The following HIRA variants were observed in gnomAD, a reference collection of about 807,000 sequenced individuals.
The protein encoded by HIRA is histone cell cycle regulator.
In HIRA, 13 loss-of-function variants were observed where a neutral mutation model predicts 126.6. The observed-to-expected ratio is 0.10, with a 90% CI of 0.07 to 0.16. The LOEUF is 0.16. Ranked by LOEUF, HIRA falls within the 10% of genes least tolerant of loss-of-function variation. HIRA has a pLI of 1.00. For missense variants in HIRA, 834 were observed against 1,314.4 expected (o/e 0.63, Z 5.65); for synonymous variants, 511 against 520.0 (o/e 0.98, Z 0.24).
chr22:19,396,470 C>T (rs1242902844), intron 7 of HIRA, among the ~76,000 whole-genome samples: 1 of 152,170 alleles, frequency 6.6e-6, no homozygotes, highest in Non-Finnish European at 1.5e-5. Flanking sequence ...GAGCTGAGAT[C>T]GTGCCACTGC....
intron 2 of HIRA, among the ~76,000 whole-genome samples, chr22:19,409,903 C>T (rs1012095320): frequency 9.9e-5 from 15 of 152,120 alleles, no homozygotes; most frequent in African/African-American, 3.1e-4. Context: ...CTTCCCTGCC[C>T]ACAGCTTCCC....
chr22:19,331,154 C>G lies in HIRA; in HGVS notation c.*286G>C. Reference sequence around the variant, plus strand: ...TTGGGGCCGTGCTGGAGACGGCAGGCCTGGGACTGCCTTGCTGGCCCCAGG... The same window carrying G: ...TTGGGGCCGTGCTGGAGACGGCAGGGCTGGGACTGCCTTGCTGGCCCCAGG... On this transcript the variant is annotated 3_prime_UTR_variant, in exon 25 of 25. Coordinates refer to ENST00000263208, the MANE Select transcript of HIRA (RefSeq NM_003325.4). 1 of 1,355,188 alleles carries G rather than the reference C, an allele frequency of 7.4e-7. No homozygotes were observed. Among genetic ancestry groups the G allele is most frequent in the East Asian group, 4.0e-5 (1 of 25,244 alleles). 83.9% of individuals were successfully genotyped at this position (1,355,188 alleles called of 1,614,324 possible).
chr22:19,369,109 C>G (rs552176689), intron 15 of HIRA, among the ~76,000 whole-genome samples: 1 of 152,108 alleles, frequency 6.6e-6, no homozygotes, highest in African/African-American at 2.4e-5. Context: ...GGCTGCCCCC[C>G]TTACAAATGG....
At chr22:19,430,894 T>C (rs1198304460) in intron 1 of HIRA, among the ~76,000 whole-genome samples, 1 of 152,178 alleles carries the variant, frequency 6.6e-6, no homozygotes, top group Admixed American at 6.5e-5. Context: ...ATGTCCCAGC[T>C]CAGCATTAAT....
intron 15 of HIRA, among the ~76,000 whole-genome samples, chr22:19,374,035 TA>T (rs1225285216): frequency 6.6e-6 from 1 of 151,780 alleles, no homozygotes; most frequent in Non-Finnish European, 1.5e-5. Context: ...CATTTCAAAG[TA>T]TTTAGAAGCA....
intron 7 of HIRA, among the ~76,000 whole-genome samples, chr22:19,395,672 C>T (rs889668795): frequency 2.0e-5 from 3 of 152,206 alleles, no homozygotes; most frequent in Non-Finnish European, 4.4e-5. Context: ...GTCCCTCGCT[C>T]TGTGAAGTCT....
chr22:19,430,228 AACAC>A (rs2089520757), intron 1 of HIRA: 2 of 152,218 alleles, frequency 1.3e-5, no homozygotes, highest in Non-Finnish European at 1.5e-5. Flanking sequence ...TGCCAGGCAA[AACAC>A]ACAGACAGTG....
chr22:19,351,983 C>T lies in HIRA; in HGVS notation c.2849-537G>A, dbSNP rs980615871. On this transcript the variant is annotated intron_variant, in intron 23 of 24. Transcript: ENST00000263208. The surrounding 1 kb of genome is among the most constrained non-coding windows in gnomAD (Gnocchi z 4.8). ...GCTAGAAAGGCTGGAGGTAGAGTGT[C>T]GGGGTTTGTCAGCACTTGGGGCAGC... Among the ~76,000 whole-genome samples the T allele has an allele frequency of 1.3e-4, 19 of 151,856 alleles. No homozygotes were observed. The highest frequency in any genetic ancestry group is 3.6e-4 in the African/African-American group (15 of 41,330).
rs193030431 is a variant in HIRA at position 19,405,107 on chromosome 22, T to C, written c.397+679A>G. 5.8e-3 allele frequency among the ~76,000 whole-genome samples: 876 copies of C among 152,328 alleles called. 10 individuals are homozygous for C. The highest frequency in any genetic ancestry group is 0.02 in the African/African-American group (812 of 41,578). ...ATACCTGACCAGCCTCACTTTGTGC[T>C]GCTCCCTGCCTTGTCTATAAAGATC... On this transcript the variant is annotated intron_variant, in intron 5 of 24. Transcript: ENST00000263208.
chr22:19,407,414 G>A (rs1050522779), intron 3 of HIRA, 140 bp from the exon 4 acceptor site: 1 of 651,814 alleles, frequency 1.5e-6, no homozygotes, highest in Admixed American at 2.8e-5. Context: ...GAGAGCCCCA[G>A]AAAAACAATT....
At chr22:19,393,246 C>T (rs2089197030) in intron 8 of HIRA, among the ~76,000 whole-genome samples, 1 of 152,134 alleles carries the variant, frequency 6.6e-6, no homozygotes, top group Non-Finnish European at 1.5e-5. Context: ...AGCAACAAAG[C>T]TCTGGTTCAA....
chr22:19,362,120 A>G (rs1373490733), intron 15 of HIRA, among the ~76,000 whole-genome samples, 189 bp from the exon 16 acceptor site: 1 of 152,230 alleles, frequency 6.6e-6, no homozygotes, highest in East Asian at 1.9e-4. Context: ...AGACACCGGA[A>G]TCTGTTGCCA....
At chr22:19,380,955 T>C (rs1283628191) in intron 13 of HIRA, among the ~76,000 whole-genome samples, 2 of 152,226 alleles carry the variant, frequency 1.3e-5, no homozygotes, top group Admixed American at 1.3e-4. Flanking sequence ...AGTTACCTTG[T>C]CTGATTCCCA....
At chr22:19,361,410 C>G (rs2088862657) in intron 16 of HIRA, 69 bp from the exon 17 acceptor site, 4 of 1,350,186 alleles carry the variant, frequency 3.0e-6, no homozygotes, top group Non-Finnish European at 4.2e-6. Context: ...AAAGGCAGGT[C>G]ACCCAGAAGT....
intron 9 of HIRA, among the ~76,000 whole-genome samples, chr22:19,390,601 C>CA (rs575050947): frequency 0.19 from 7,202 of 38,148 alleles, 1,494 homozygotes; most frequent in Middle Eastern, 0.36. Flanking sequence ...GACTCTGTCT[C>CA]AAAAAAAAAA....
rs782463579 is a variant in HIRA at position 19,355,873 on chromosome 22, C to G, written c.2456-8G>C. On this transcript the variant is annotated splice_region_variant and splice_polypyrimidine_tract_variant and intron_variant, in intron 20 of 24. Transcript: ENST00000263208. ...ATACCGTCATATCACTTCCTGAGGA[C>G]AGCATGGGAATGAGTTCTGGGTGTG... is the stretch of plus-strand genomic sequence containing the variant. 3.1e-6 allele frequency: 5 copies of G among 1,594,212 alleles called. No homozygotes were observed. The highest frequency in any genetic ancestry group is 4.3e-6 in the Non-Finnish European group (5 of 1,162,438).
intron 1 of HIRA, among the ~76,000 whole-genome samples, chr22:19,428,874 G>A (rs2146263416): frequency 6.6e-6 from 1 of 152,258 alleles, no homozygotes; most frequent in Non-Finnish European, 1.5e-5. Context: ...CTTTACAAAA[G>A]CAAGCACAAT....
intron 24 of HIRA, among the ~76,000 whole-genome samples, chr22:19,339,158 A>G (rs1482873984): frequency 6.6e-6 from 1 of 152,226 alleles, no homozygotes; most frequent in Non-Finnish European, 1.5e-5. Context: ...GAACCCTCAA[A>G]ACTATACAAA....
intron 5 of HIRA, 82 bp from the exon 6 acceptor site, chr22:19,398,169 C>A (rs531568340): frequency 2.0e-6 from 2 of 996,110 alleles, no homozygotes; most frequent in African/African-American, 3.2e-5. Context: ...CCCCTGGGAC[C>A]TGGGACCATC....
Sources: allele counts gnomAD v4.1 joint callset (sites outside exome capture counted in the v4.1 genomes callset), GRCh38; gene constraint gnomAD v4.1.1; non-coding constraint Gnocchi (gnomAD v3.1); transcripts MANE v1.5; gene names NCBI Gene and HGNC (gene_info 2026-07-23, HGNC 2026-07-21).